ESF1: variants seen among roughly 807,000 people sequenced by gnomAD.
ESF1 encodes the protein ESF1 nucleolar pre-rRNA processing protein, also known as ESF1 homolog.
Under a neutral mutation model 92.0 loss-of-function variants are expected in ESF1, and 58 were observed. The ratio of observed to expected loss-of-function variants is 0.63; its 90% CI spans 0.51 to 0.78. The LOEUF (loss-of-function observed/expected upper bound fraction) is 0.78, where lower values mean the gene tolerates loss of function less well. ESF1 is among the 30% of genes least tolerant of loss of function. The pLI is 0.00. For missense variants in ESF1, 922 were observed against 989.1 expected (o/e 0.93, Z 0.91); for synonymous variants, 321 against 313.7 (o/e 1.02, Z -0.24).
intron 13 of ESF1, among the ~76,000 whole-genome samples, chr20:13,716,190 T>C (rs79611500): frequency 6.6e-6 from 1 of 152,316 alleles, no homozygotes; most frequent in African/African-American, 2.4e-5. Context: ...TTCTTCCACA[T>C]TAATGGTTGG....
In ESF1 at chr20:13,733,746, T is replaced by C; in HGVS notation, c.1925A>G (p.Lys642Arg). Reference protein sequence around the residue: ...WEQFLEKKKEKKRLKRKQKAL... With the variant: ...WEQFLEKKKERKRLKRKQKAL... The stretch of plus-strand genomic sequence containing the variant: ...CTTCTGTTTCCTTTTCAGTCTTTTT[T>C]TCTCTTTCTTCTTCTCTAAAAATTG... The change falls in exon 10 of 14, where the codon AAA becomes AGA. Residue 642 changes from lysine to arginine, a missense_variant. Lys to Arg is a conservative substitution (Grantham distance 26). Coordinates refer to ENST00000617257, the MANE Select transcript of ESF1 (RefSeq NM_001276380.2). The C allele has an allele frequency of 6.2e-7, 1 of 1,612,294 alleles. No homozygotes were observed. Among genetic ancestry groups the C allele is most frequent in the South Asian group, 1.1e-5 (1 of 90,780 alleles).
intron 7 of ESF1, 142 bp downstream of exon 7, chr20:13,769,765 G>A: frequency 3.1e-6 from 2 of 649,352 alleles, no homozygotes; most frequent in East Asian, 2.8e-5. Context: ...CAGCCTGGGT[G>A]AGAGAGCGAG....
intron 9 of ESF1, among the ~76,000 whole-genome samples, chr20:13,737,508 G>T (rs187426713): frequency 2.6e-4 from 40 of 152,230 alleles, no homozygotes; most frequent in Non-Finnish European, 4.9e-4. Flanking sequence ...AAAACAAAAT[G>T]TATATTTAAA....
chr20:13,739,202 G>A (rs1472728211), intron 9 of ESF1, among the ~76,000 whole-genome samples: 1 of 151,998 alleles, frequency 6.6e-6, no homozygotes, highest in Non-Finnish European at 1.5e-5. Context: ...TTTTGTTGCT[G>A]ATTGTCTAAA....
Position 13,754,344 on chromosome 20 carries a change from C to T in ESF1, c.1828+5348G>A, listed in dbSNP as rs571971764. On this transcript the variant is annotated intron_variant, in intron 9 of 13. Coordinates refer to ENST00000617257, the MANE Select transcript of ESF1 (RefSeq NM_001276380.2). ...AGCCTCTCCAGCTGCTCGGAATGGT[C>T]CAGGCTCATGTCCTCTACCTCTAGA... is the stretch of plus-strand genomic sequence containing the variant. 3.3e-5 allele frequency among the ~76,000 whole-genome samples: 5 copies of T among 152,298 alleles called. No individual in the cohort carries two copies. The South Asian group carries it at 6.2e-4, about 19-fold the overall frequency.
chr20:13,769,579 A>C (rs1048079449), intron 7 of ESF1, among the ~76,000 whole-genome samples: 5 of 152,276 alleles, frequency 3.3e-5, no homozygotes, highest in Admixed American at 2.0e-4. Flanking sequence ...TGAGGTCAGG[A>C]GTTCAAGACC....
rs952382983 is a variant in ESF1 at position 13,776,080 on chromosome 20, T to A, written c.828A>T (p.Glu276Asp). ...SGDDDGSEDD[E>D]EEDEDEEEDE... is the part of the protein sequence containing the mutation. ...CCTCCTCTTCATCTTCATCCTCCTC[T>A]TCATCATCTTCACTTCCATCGTCAT... Residue 276 changes from glutamate (E) to aspartate (D), a missense_variant, in exon 3 of 14, where the codon GAA becomes GAT. Physicochemically the swap from Glu to Asp is conservative, Grantham distance 45 (BLOSUM62 2). Coordinates refer to ENST00000617257, the MANE Select transcript of ESF1 (RefSeq NM_001276380.2). The A allele has an allele frequency of 2.2e-5, 35 of 1,613,660 alleles. No homozygotes were observed. In the Admixed American group the frequency reaches 4.0e-4, roughly 18 times the overall value.
chr20:13,782,950 G>A lies in ESF1; in HGVS notation c.191C>T (p.Thr64Ile). Residue 64 changes from threonine (T) to isoleucine (I), a missense_variant, in exon 2 of 14, where the codon ACT becomes ATT. By Grantham distance (89) the Thr-to-Ile change is moderately conservative. Coordinates refer to ENST00000617257, the MANE Select transcript of ESF1 (RefSeq NM_001276380.2). Reference protein sequence around the residue: ...DKRGRPISHSTTEDLKRFYDL... With the variant: ...DKRGRPISHSITEDLKRFYDL... ...GTAAAAACGCTTCAAATCCTCTGTAGTGCTATGGCTAATGGGGCGCCCTCT... is the reference window on the plus strand; with the variant it reads ...GTAAAAACGCTTCAAATCCTCTGTAATGCTATGGCTAATGGGGCGCCCTCT... 6.2e-7 allele frequency: 1 copy of A among 1,614,122 alleles called. No individual in the cohort carries two copies. The highest frequency in any genetic ancestry group is 8.5e-7 in the Non-Finnish European group (1 of 1,180,012).
At chr20:13,753,097 A>G (rs1465729097) in intron 9 of ESF1, among the ~76,000 whole-genome samples, 1 of 152,120 alleles carries the variant, frequency 6.6e-6, no homozygotes, top group African/African-American at 2.4e-5. Flanking sequence ...GATCAAAACT[A>G]ATCTCAAAAT....
intron 11 of ESF1, among the ~76,000 whole-genome samples, chr20:13,720,821 T>C (rs557370880): frequency 5.2e-4 from 79 of 152,330 alleles, no homozygotes; most frequent in African/African-American, 1.9e-3. Context: ...TAAATTTTCA[T>C]AATTAAAAAC....
chr20:13,784,345 T>C (rs192634866), intron 1 of ESF1, among the ~76,000 whole-genome samples: 4 of 149,272 alleles, frequency 2.7e-5, no homozygotes, highest in Admixed American at 2.7e-4. Flanking sequence ...TCCTTTTAAT[T>C]ACACTAACTA....
intron 13 of ESF1, among the ~76,000 whole-genome samples, chr20:13,715,587 A>G (rs985896992): frequency 2.0e-5 from 3 of 152,212 alleles, no homozygotes; most frequent in Non-Finnish European, 2.9e-5. Flanking sequence ...CTCTGAGTAC[A>G]TGTTAAGAAA....
At chr20:13,772,444 G>A (rs6079169) in intron 5 of ESF1, 71 bp downstream of exon 5, 2 of 1,174,384 alleles carry the variant, frequency 1.7e-6, no homozygotes, top group Non-Finnish European at 2.5e-6. Flanking sequence ...TAACTATTAA[G>A]GTGACCAGAA....
chr20:13,721,387 C>T (rs1044551790), intron 11 of ESF1, among the ~76,000 whole-genome samples: 4 of 152,080 alleles, frequency 2.6e-5, no homozygotes, highest in African/African-American at 9.7e-5. Context: ...TATACCTTCA[C>T]GTTGGGAAAG....
intron 9 of ESF1, among the ~76,000 whole-genome samples, chr20:13,749,863 G>A (rs115131021): frequency 0.012 from 1,750 of 151,948 alleles, 31 homozygotes; most frequent in African/African-American, 0.04. Context: ...CACCATGCCC[G>A]GCCGGGTATA....
At chr20:13,750,943 T>C (rs949289796) in intron 9 of ESF1, among the ~76,000 whole-genome samples, 2 of 152,214 alleles carry the variant, frequency 1.3e-5, no homozygotes, top group African/African-American at 4.8e-5. Context: ...CATTTCAGCC[T>C]GGGCAACAGA....
chr20:13,725,091 G>A (rs1040531444), intron 11 of ESF1, among the ~76,000 whole-genome samples: 4 of 152,052 alleles, frequency 2.6e-5, no homozygotes, highest in East Asian at 1.9e-4. Context: ...TGAATCAACC[G>A]CCTTAGGCAG....
intron 9 of ESF1, among the ~76,000 whole-genome samples, chr20:13,739,593 G>T (rs534299059): frequency 1.3e-5 from 2 of 152,112 alleles, no homozygotes; most frequent in South Asian, 4.1e-4. Flanking sequence ...CGGCAAAGAA[G>T]ACTGAAGAAC....
chr20:13,743,638 C>A (rs1434387022), intron 9 of ESF1, among the ~76,000 whole-genome samples: 2 of 152,058 alleles, frequency 1.3e-5, no homozygotes, highest in Non-Finnish European at 2.9e-5. Flanking sequence ...AAGATAAATA[C>A]CTAGTAGAGT....
Sources: gnomAD v4.1 joint callset for allele counts (sites outside exome capture counted in the v4.1 genomes callset) on GRCh38, gnomAD v4.1.1 for gene constraint, MANE v1.5 for transcripts, NCBI Gene and HGNC (gene_info 2026-07-23, HGNC 2026-07-21) for gene names.